NCOA1: variants seen among roughly 807,000 people sequenced by gnomAD.
NCOA1 encodes the protein nuclear receptor coactivator 1, also known as Hin-2 protein.
In NCOA1, 35 loss-of-function variants were observed where a neutral mutation model predicts 150.9. The observed-to-expected ratio is 0.23, with a 90% CI of 0.18 to 0.31. NCOA1 has a LOEUF of 0.31. NCOA1 is among the 10% of genes least tolerant of loss of function. The probability of loss-of-function intolerance (pLI) is 1.00; values close to 1 mark genes in which losing one functional copy is unlikely to be tolerated. For synonymous variants in NCOA1, 590 were observed against 630.0 expected (o/e 0.94, Z 0.95); for missense variants, 1,491 against 1,749.3 (o/e 0.85, Z 2.63).
intron 3 of NCOA1, among the ~76,000 whole-genome samples, chr2:24,613,066 T>A (rs1668700757): frequency 6.6e-6 from 1 of 152,162 alleles, no homozygotes; most frequent in South Asian, 2.1e-4. Flanking sequence ...TCTTTTTTTG[T>A]TCCTGTCCCT....
intron 1 of NCOA1, among the ~76,000 whole-genome samples, chr2:24,542,917 C>T (rs1472789634): frequency 1.3e-5 from 2 of 152,260 alleles, no homozygotes; most frequent in Non-Finnish European, 1.5e-5. Flanking sequence ...CTTGTAAAAT[C>T]GTCACTAAGT....
In NCOA1 at chr2:24,736,945, G is replaced by A. The variant is rs566519371; in HGVS notation, c.3202-2487G>A. 1.2e-4 allele frequency among the ~76,000 whole-genome samples: 19 copies of A among 152,302 alleles called. No homozygotes were observed. The South Asian group carries it at 3.9e-3, about 32-fold the overall frequency. ...GGACTTCTTGGTAAAGCACTGGGAA[G>A]AAAATCCATTCCGGCAGACAAAGTG... is the stretch of plus-strand genomic sequence containing the variant. On this transcript the variant is annotated intron_variant, in intron 17 of 22. Transcript: ENST00000348332.
intron 20 of NCOA1, among the ~76,000 whole-genome samples, chr2:24,756,920 T>C (rs1271411217): frequency 6.6e-6 from 1 of 152,186 alleles, no homozygotes; most frequent in Non-Finnish European, 1.5e-5. Context: ...ACAGGCTCTC[T>C]GAAAAACATA....
At chr2:24,754,813 A>G (rs1277301595) in intron 20 of NCOA1, among the ~76,000 whole-genome samples, 1 of 152,198 alleles carries the variant, frequency 6.6e-6, no homozygotes, top group Non-Finnish European at 1.5e-5. Context: ...GAGGCCCTTC[A>G]TATACATCTA....
chr2:24,543,375 T>A (rs1665476302), intron 1 of NCOA1, among the ~76,000 whole-genome samples: 1 of 152,148 alleles, frequency 6.6e-6, no homozygotes, highest in African/African-American at 2.4e-5. Flanking sequence ...TTGTGAGGGA[T>A]CTGCCCCCAT....
chr2:24,602,906 A>G (rs1464306875), intron 3 of NCOA1, among the ~76,000 whole-genome samples: 6 of 152,194 alleles, frequency 3.9e-5, no homozygotes, highest in Non-Finnish European at 8.8e-5. Flanking sequence ...TGTGAACACT[A>G]TGCTGAATTT....
At chr2:24,550,269 C>T (rs914223776) in intron 1 of NCOA1, among the ~76,000 whole-genome samples, 1 of 152,196 alleles carries the variant, frequency 6.6e-6, no homozygotes, top group African/African-American at 2.4e-5. Context: ...TTCAGCAGCA[C>T]CCCCGACTCC....
At chr2:24,742,797 A>G (rs191081937) in intron 19 of NCOA1, among the ~76,000 whole-genome samples, 1 of 152,264 alleles carries the variant, frequency 6.6e-6, no homozygotes, top group African/African-American at 2.4e-5. Context: ...GGATTTTAGT[A>G]CATTAATTCA....
chr2:24,610,124 CTTTTTTTTT>C (rs775178797), intron 3 of NCOA1, among the ~76,000 whole-genome samples: 1 of 90,212 alleles, frequency 1.1e-5, no homozygotes, highest in African/African-American at 4.3e-5. Context: ...AGGCTGCATT[CTTTTTTTTT>C]TTTTTTTTTT....
intron 1 of NCOA1, among the ~76,000 whole-genome samples, chr2:24,516,955 A>T (rs62140847): frequency 0.017 from 1,168 of 69,934 alleles, 23 homozygotes; most frequent in African/African-American, 0.035. Flanking sequence ...TATATATACA[A>T]GTATATATAC....
chr2:24,760,702 C>T (rs1664747485), intron 21 of NCOA1, among the ~76,000 whole-genome samples: 1 of 152,084 alleles, frequency 6.6e-6, no homozygotes, highest in African/African-American at 2.4e-5. Context: ...TTTTTCTCTC[C>T]ACCACTGGTT....
intron 3 of NCOA1, among the ~76,000 whole-genome samples, chr2:24,605,945 A>G (rs1420686128): frequency 6.6e-6 from 1 of 152,172 alleles, no homozygotes; most frequent in East Asian, 1.9e-4. Context: ...AGACTTGTAC[A>G]GCGTTGTATA....
At chr2:24,753,895 A>G (rs577773542) in intron 20 of NCOA1, among the ~76,000 whole-genome samples, 1 of 152,320 alleles carries the variant, frequency 6.6e-6, no homozygotes, top group South Asian at 2.1e-4. Flanking sequence ...TGCCTAACCA[A>G]TATCTCCACT....
At chr2:24,610,324 G>A (rs1488264121) in intron 3 of NCOA1, among the ~76,000 whole-genome samples, 1 of 151,052 alleles carries the variant, frequency 6.6e-6, no homozygotes, top group African/African-American at 2.4e-5. Context: ...CTTTTTTTTA[G>A]TAGAGACAGG....
intron 1 of NCOA1, among the ~76,000 whole-genome samples, chr2:24,542,704 T>C (rs539972389): frequency 6.2e-4 from 95 of 152,306 alleles, no homozygotes; most frequent in Middle Eastern, 6.8e-3. Flanking sequence ...AACCTCAATT[T>C]TATACCTTGC....
chr2:24,685,363 T>G (rs1269669222), intron 8 of NCOA1, among the ~76,000 whole-genome samples: 1 of 152,198 alleles, frequency 6.6e-6, no homozygotes, highest in Non-Finnish European at 1.5e-5. Flanking sequence ...AAAGAACAAG[T>G]ATACATGGAT....
intron 3 of NCOA1, among the ~76,000 whole-genome samples, chr2:24,585,270 G>A (rs959200): frequency 0.81 from 122,892 of 152,158 alleles, 51,518 homozygotes; most frequent in East Asian, 0.99. Context: ...ACCAATTTTT[G>A]TAGCATTATA....
chr2:24,491,860 C>T (rs948690290), intron 1 of NCOA1: 5 of 151,818 alleles, frequency 3.3e-5, no homozygotes, highest in South Asian at 2.1e-4. Context: ...GCAGCGACTT[C>T]TCTCCGCCTC....
chr2:24,721,843 G>C (rs1318191422), intron 14 of NCOA1, among the ~76,000 whole-genome samples: 1 of 152,164 alleles, frequency 6.6e-6, no homozygotes, highest in Non-Finnish European at 1.5e-5. Flanking sequence ...AAGTGTTTTA[G>C]TTTAGTTGAA....
Sources: allele counts gnomAD v4.1 joint callset (sites outside exome capture counted in the v4.1 genomes callset), GRCh38; gene constraint gnomAD v4.1.1; transcripts MANE v1.5; gene names NCBI Gene and HGNC (gene_info 2026-07-23, HGNC 2026-07-21).